Variants in AGPAT3 observed in about 807,000 individuals in gnomAD.
AGPAT3 encodes the protein 1-acyl-sn-glycerol-3-phosphate acyltransferase gamma.
Under a neutral mutation model 47.3 loss-of-function variants are expected in AGPAT3, and 5 were observed. The ratio of observed to expected loss-of-function variants is 0.11; its 90% confidence interval spans 0.06 to 0.22. The LOEUF (loss-of-function observed/expected upper bound fraction) is 0.22, where lower values mean the gene tolerates loss of function less well. Ranked by LOEUF, AGPAT3 falls within the 10% of genes least tolerant of loss-of-function variation. The pLI is 1.00. For missense variants in AGPAT3, 315 were observed against 493.0 expected, an observed-to-expected ratio of 0.64 and a Z score of 3.42; for synonymous variants, 212 against 208.3, an observed-to-expected ratio of 1.02 and a Z score of -0.15.
chr21:43,871,491 T>G (rs2085623668), intron 1 of AGPAT3, among the ~76,000 whole-genome samples: 1 of 152,252 alleles, frequency 6.6e-6, no homozygotes, highest in African/African-American at 2.4e-5. Flanking sequence ...ACTTCTAATC[T>G]TGACCTGTTT....
intron 3 of AGPAT3, 161 bp from the exon 4 acceptor site, chr21:43,967,785 T>C: frequency 1.4e-6 from 1 of 690,200 alleles, no homozygotes; most frequent in Non-Finnish European, 2.3e-6. Flanking sequence ...GAGAAAGTTA[T>C]TGTAATTTCA....
At chr21:43,886,092 G>A (rs2085970619) in intron 1 of AGPAT3, among the ~76,000 whole-genome samples, 1 of 152,196 alleles carries the variant, frequency 6.6e-6, no homozygotes, top group South Asian at 2.1e-4. Flanking sequence ...CAGCACCTGC[G>A]GCCAGAGACT....
At chr21:43,903,929 C>T (rs1055391799) in intron 1 of AGPAT3, 28 bp from the exon 2 acceptor site, 4 of 152,342 alleles carry the variant, frequency 2.6e-5, no homozygotes, top group African/African-American at 4.8e-5. Context: ...TGCGCAAGCA[C>T]GTTGACATGT....
At chr21:43,899,193 G>C (rs1020294874) in intron 1 of AGPAT3, among the ~76,000 whole-genome samples, 14 of 152,226 alleles carry the variant, frequency 9.2e-5, no homozygotes, top group Admixed American at 2.6e-4. Flanking sequence ...GGAAGCACTA[G>C]TTTTCCCTGC....
In AGPAT3 at chr21:43,981,203, G is replaced by A. The variant is rs772442153; in HGVS notation, c.1042+16G>A. On this transcript the variant is annotated intron_variant, in intron 9 of 9. Transcript: ENST00000291572. This position sits in a 1 kb window ranked among gnomAD's most constrained non-coding sequence, Gnocchi z 5.3. ...GTGGGAGCAGGTAATGGACACTGTC[G>A]CTAACAGCTCACACTCTGACGGGCC... 1.1e-5 allele frequency: 18 copies of A among 1,613,050 alleles called. No homozygotes were observed. The highest frequency in any genetic ancestry group is 2.7e-5 in the African/African-American group (2 of 74,854).
Position 43,904,065 on chromosome 21 carries a change from A to AGT in AGPAT3, c.-49+83_-49+84dup, listed in dbSNP as rs10577584. 8.7e-3 allele frequency: 1,282 copies of AGT among 147,766 alleles called. 9 individuals are homozygous for AGT. The highest frequency in any genetic ancestry group is 0.017 in the African/African-American group (666 of 40,104). 9.2% of individuals were successfully genotyped at this position (147,766 alleles called of 1,614,324 possible). ...CCTGACGCAGGGCGCCGTGTGTGAGAGTGTGTGTGTGTGTGTGTGTGTGTG... is the reference window on the plus strand; with the variant it reads ...CCTGACGCAGGGCGCCGTGTGTGAGAGTGTGTGTGTGTGTGTGTGTGTGTGTG... On this transcript the variant is annotated intron_variant, in intron 2 of 9. Coordinates refer to ENST00000291572, the MANE Select transcript of AGPAT3 (RefSeq NM_020132.5).
At chr21:43,871,832 A>G (rs1211440718) in intron 1 of AGPAT3, among the ~76,000 whole-genome samples, 1 of 152,114 alleles carries the variant, frequency 6.6e-6, no homozygotes, top group Non-Finnish European at 1.5e-5. Flanking sequence ...TGTGCATTAT[A>G]TATTTTTCCC....
intron 1 of AGPAT3, among the ~76,000 whole-genome samples, chr21:43,874,570 C>G (rs1029032551): frequency 6.6e-6 from 1 of 152,180 alleles, no homozygotes; most frequent in Non-Finnish European, 1.5e-5. Flanking sequence ...TCTGGCATTT[C>G]TTTAAGGATT....
chr21:43,974,363 TG>T (rs1460219449), intron 7 of AGPAT3, among the ~76,000 whole-genome samples: 7 of 151,778 alleles, frequency 4.6e-5, no homozygotes, highest in Middle Eastern at 6.8e-3. Flanking sequence ...CATATGTGTA[TG>T]GTGTGTGTGA....
intron 7 of AGPAT3, among the ~76,000 whole-genome samples, chr21:43,976,452 G>A (rs539890094): frequency 1.7e-4 from 26 of 152,288 alleles, no homozygotes; most frequent in South Asian, 1.7e-3. Flanking sequence ...CCTGCCCCTC[G>A]GCTTCCCGAA....
In AGPAT3 at chr21:43,982,460, G is replaced by C. The variant is rs1422578385; in HGVS notation, c.*68G>C. On this transcript the variant is annotated 3_prime_UTR_variant, in exon 10 of 10. Transcript: ENST00000291572. The surrounding 1 kb of genome is among the most constrained non-coding windows in gnomAD (Gnocchi z 6.2). ...CCAGTTAACTCAAAACCAACACACAGAGTGCAGGAAAAGACAATTAGAAAC... is the reference window on the plus strand; with the variant it reads ...CCAGTTAACTCAAAACCAACACACACAGTGCAGGAAAAGACAATTAGAAAC... The C allele has an allele frequency of 1.5e-5, 17 of 1,159,170 alleles. No homozygotes were observed. The highest frequency in any genetic ancestry group is 7.5e-5 in the Admixed American group (4 of 53,632). The allele number at this position is 1,159,170 out of a possible 1,614,324, so 71.8% of individuals were successfully genotyped here.
rs1365729629 is a variant in AGPAT3 at position 43,939,306 on chromosome 21, C to A, written c.-48-20328C>A. 6.6e-6 allele frequency among the ~76,000 whole-genome samples: 1 copy of A among 152,126 alleles called. No homozygotes were observed. Among genetic ancestry groups the A allele is most frequent in the Non-Finnish European group, 1.5e-5 (1 of 68,016 alleles). ...CTAGCGGGCGCTCCCTTGATAACAC[C>A]CCACCCCCGTCGCTGTTGTTGTCGG... On this transcript the variant is annotated intron_variant, in intron 2 of 9. Coordinates refer to ENST00000291572, the MANE Select transcript of AGPAT3 (RefSeq NM_020132.5). This position sits in a 1 kb window ranked among gnomAD's most constrained non-coding sequence, Gnocchi z 4.4.
intron 1 of AGPAT3, among the ~76,000 whole-genome samples, chr21:43,876,861 T>C (rs935222026): frequency 1.3e-5 from 2 of 151,938 alleles, no homozygotes; most frequent in Non-Finnish European, 2.9e-5. Flanking sequence ...TTTGTTTGTT[T>C]TATTTGTTTT....
rs1337239658 is a variant in AGPAT3 at position 43,896,812 on chromosome 21, G to T, written c.-111-7145G>T. ...AATATAGCGGCACCAGCTGCCTTTT[G>T]TTTACTGTTTGCTTTGCATGTCTCT... On this transcript the variant is annotated intron_variant, in intron 1 of 9. Coordinates refer to ENST00000291572, the MANE Select transcript of AGPAT3 (RefSeq NM_020132.5). 2.0e-5 allele frequency among the ~76,000 whole-genome samples: 3 copies of T among 151,836 alleles called. No homozygotes were observed. In the East Asian group the frequency reaches 5.8e-4, roughly 29 times the overall value.
intron 2 of AGPAT3, among the ~76,000 whole-genome samples, chr21:43,928,416 A>G (rs1259884465): frequency 6.6e-6 from 1 of 152,082 alleles, no homozygotes; most frequent in Non-Finnish European, 1.5e-5. Flanking sequence ...ACCCCGAGGG[A>G]GTGAAATAGG....
intron 7 of AGPAT3, among the ~76,000 whole-genome samples, chr21:43,975,612 C>G (rs1315631390): frequency 2.0e-5 from 3 of 152,252 alleles, no homozygotes; most frequent in Non-Finnish European, 4.4e-5. Context: ...GGCCCCGCAG[C>G]TCAAGCCTGG....
intron 1 of AGPAT3, among the ~76,000 whole-genome samples, chr21:43,887,548 A>G (rs2086008260): frequency 6.6e-6 from 1 of 152,256 alleles, no homozygotes; most frequent in South Asian, 2.1e-4. Flanking sequence ...GTCTGGAAGT[A>G]ATGCTCAGGT....
intron 2 of AGPAT3, among the ~76,000 whole-genome samples, chr21:43,938,239 C>T (rs1299718050): frequency 6.7e-6 from 1 of 150,310 alleles, no homozygotes; most frequent in African/African-American, 2.4e-5. Flanking sequence ...AGTTAGTTAA[C>T]ATCGCTCATT....
chr21:43,961,183 C>T (rs985088109), intron 3 of AGPAT3, among the ~76,000 whole-genome samples: 3 of 151,906 alleles, frequency 2.0e-5, no homozygotes, highest in African/African-American at 2.4e-5. Flanking sequence ...GAAGGATGCC[C>T]GAGAAAACTG....
Sources: allele counts gnomAD v4.1 joint callset (sites outside exome capture counted in the v4.1 genomes callset), GRCh38; gene constraint gnomAD v4.1.1; non-coding constraint Gnocchi (gnomAD v3.1); transcripts MANE v1.5; gene names NCBI Gene and HGNC (gene_info 2026-07-23, HGNC 2026-07-21).